Variants in GNG2 observed in about 807,000 individuals in gnomAD.
GNG2 encodes G protein subunit gamma 2.
Under a neutral mutation model 5.5 loss-of-function variants are expected in GNG2, and 5 were observed. The ratio of observed to expected loss-of-function variants is 0.91; its 90% CI spans 0.48 to 1.92. GNG2 has a LOEUF of 1.92. Among genes scored for constraint, GNG2 ranks in the 30% most tolerant of loss-of-function variants. The probability of loss-of-function intolerance (pLI) is 0.01; values close to 1 mark genes in which losing one functional copy is unlikely to be tolerated. For missense variants in GNG2, 55 were observed against 88.4 expected, an observed-to-expected ratio of 0.62 and a Z score of 1.52; for synonymous variants, 28 against 32.0, an observed-to-expected ratio of 0.88 and a Z score of 0.42.
intron 2 of GNG2, among the ~76,000 whole-genome samples, chr14:51,878,355 T>C (rs181162250): frequency 6.6e-5 from 10 of 152,252 alleles, no homozygotes; most frequent in African/African-American, 2.2e-4. Context: ...GAGAGAATAA[T>C]ATAATGAACG....
At chr14:51,921,522 A>G (rs1211635665) in intron 2 of GNG2, among the ~76,000 whole-genome samples, 2 of 152,170 alleles carry the variant, frequency 1.3e-5, no homozygotes, top group Admixed American at 6.5e-5. Flanking sequence ...ACAACTTTTT[A>G]TTGTTGGAAG....
intron 1 of GNG2, 95 bp from the exon 2 acceptor site, chr14:51,877,521 GT>G: frequency 2.3e-6 from 1 of 433,820 alleles, no homozygotes; most frequent in South Asian, 1.6e-5. Context: ...ACCCACCCCC[GT>G]TTCAGAAACT....
chr14:51,962,523 C>A (rs979456446), intron 3 of GNG2, among the ~76,000 whole-genome samples: 5 of 152,076 alleles, frequency 3.3e-5, no homozygotes, highest in Admixed American at 6.6e-5. Flanking sequence ...TCACATACCA[C>A]CCCCCGAATT....
chr14:51,901,255 G>T (rs1235671787), intron 2 of GNG2, among the ~76,000 whole-genome samples: 1 of 151,688 alleles, frequency 6.6e-6, no homozygotes, highest in Non-Finnish European at 1.5e-5. Context: ...GTGTGATCAT[G>T]GTTTACCAGA....
At chr14:51,851,105 C>T (rs1881888479) in intron 2 of GNG2, among the ~76,000 whole-genome samples, 1 of 152,158 alleles carries the variant, frequency 6.6e-6, no homozygotes, top group East Asian at 1.9e-4. Context: ...CATTTGCACC[C>T]AAATCTAGAG....
chr14:51,928,720 C>G (rs1416437930), intron 2 of GNG2, among the ~76,000 whole-genome samples: 1 of 152,204 alleles, frequency 6.6e-6, no homozygotes, highest in Non-Finnish European at 1.5e-5. Context: ...CCACCCACCT[C>G]CAATCACTTT....
intron 2 of GNG2, among the ~76,000 whole-genome samples, chr14:51,888,476 G>A (rs1255491926): frequency 2.6e-5 from 4 of 151,988 alleles, no homozygotes. Context: ...ACACCACCAC[G>A]CCTGGCTAAT....
At chr14:51,887,307 C>T (rs1884530309) in intron 2 of GNG2, among the ~76,000 whole-genome samples, 1 of 152,158 alleles carries the variant, frequency 6.6e-6, no homozygotes, top group South Asian at 2.1e-4. Context: ...ACTATTATCC[C>T]AAAGAAATGT....
chr14:51,882,846 A>G (rs943165006), intron 2 of GNG2, among the ~76,000 whole-genome samples: 3 of 152,098 alleles, frequency 2.0e-5, no homozygotes, highest in Admixed American at 1.3e-4. Flanking sequence ...AGTCTTTACT[A>G]AAAATACAAA....
chr14:51,858,765 G>A (rs1882281247), upstream of GNG2, among the ~76,000 whole-genome samples: 1 of 152,128 alleles, frequency 6.6e-6, no homozygotes, highest in African/African-American at 2.4e-5. Context: ...TCACATGTTG[G>A]TGGATTCATG....
At chr14:51,934,754 T>G (rs1042074602) in intron 2 of GNG2, among the ~76,000 whole-genome samples, 1 of 152,126 alleles carries the variant, frequency 6.6e-6, no homozygotes, top group Non-Finnish European at 1.5e-5. Flanking sequence ...GCTACTTCCA[T>G]GCCCCTCTGT....
intron 2 of GNG2, among the ~76,000 whole-genome samples, chr14:51,947,399 G>A (rs1424421065): frequency 6.6e-6 from 1 of 152,178 alleles, no homozygotes. Context: ...CCTTAAAAGT[G>A]GAAGGGGTGG....
chr14:51,951,416 G>C (rs1234182264), intron 3 of GNG2, among the ~76,000 whole-genome samples: 1 of 152,158 alleles, frequency 6.6e-6, no homozygotes, highest in Non-Finnish European at 1.5e-5. Context: ...TTCGTTGGTA[G>C]TTTTCAGATG....
At chr14:51,889,069 A>AG (rs1240098291) in intron 2 of GNG2, among the ~76,000 whole-genome samples, 1 of 147,268 alleles carries the variant, frequency 6.8e-6, no homozygotes, top group Non-Finnish European at 1.5e-5. Context: ...GAGAGGGAAG[A>AG]GGGGAAGGAG....
chr14:51,903,691 T>G (rs958537880), intron 2 of GNG2, among the ~76,000 whole-genome samples: 2 of 152,228 alleles, frequency 1.3e-5, no homozygotes, highest in Non-Finnish European at 2.9e-5. Flanking sequence ...ATATCATTAT[T>G]TGAGTAGCAT....
At chr14:51,880,629 T>C (rs1320079491) in intron 2 of GNG2, among the ~76,000 whole-genome samples, 2 of 152,164 alleles carry the variant, frequency 1.3e-5, no homozygotes, top group Non-Finnish European at 2.9e-5. Flanking sequence ...ACTTCAGCAA[T>C]ACAGACCTGA....
chr14:51,942,470 C>T (rs1186446784), intron 2 of GNG2, among the ~76,000 whole-genome samples: 2 of 152,088 alleles, frequency 1.3e-5, no homozygotes, highest in Non-Finnish European at 2.9e-5. Flanking sequence ...GAGGCAGTAC[C>T]TTCCTGGTTG....
intron 2 of GNG2, chr14:51,877,900 G>A (rs527775695): frequency 3.5e-6 from 1 of 282,104 alleles, no homozygotes; most frequent in East Asian, 9.7e-5. Context: ...CTGAGTTGGA[G>A]AGCCTTTGAG....
intron 2 of GNG2, among the ~76,000 whole-genome samples, chr14:51,881,440 T>A (rs1884061047): frequency 6.6e-6 from 1 of 152,154 alleles, no homozygotes; most frequent in African/African-American, 2.4e-5. Flanking sequence ...GTAAAGTTGC[T>A]ACATCTGGGT....
Sources: gnomAD v4.1 joint callset for allele counts (sites outside exome capture counted in the v4.1 genomes callset) on GRCh38, gnomAD v4.1.1 for gene constraint, MANE v1.5 for transcripts, NCBI Gene and HGNC (gene_info 2026-07-23, HGNC 2026-07-21) for gene names.